FDFT1: variants seen among roughly 807,000 people sequenced by gnomAD.
FDFT1 encodes the protein farnesyl-diphosphate farnesyltransferase 1.
A neutral mutation model predicts 46.8 loss-of-function variants in FDFT1; 68 were observed. The observed-to-expected ratio is 1.45, with a 90% CI of 1.19 to 1.78. The LOEUF is 1.78. FDFT1 is among the 40% of genes most tolerant of loss of function. The probability of loss-of-function intolerance (pLI) is 0.00; values close to 1 mark genes in which losing one functional copy is unlikely to be tolerated. For missense variants in FDFT1, 928 were observed against 524.4 expected, an observed-to-expected ratio of 1.77 and a Z score of -7.52; for synonymous variants, 351 against 185.1, an observed-to-expected ratio of 1.90 and a Z score of -7.28.
At chr8:11,816,778 A>T (rs1808516010) in intron 3 of FDFT1, among the ~76,000 whole-genome samples, 1 of 152,184 alleles carries the variant, frequency 6.6e-6, no homozygotes. Flanking sequence ...GGCTGAGACG[A>T]TGGGGTTTTC....
chr8:11,826,069 CTT>C lies in FDFT1; in HGVS notation c.559_560del (p.Phe187LeufsTer6). The C allele has an allele frequency of 6.2e-7, 1 of 1,605,378 alleles. No homozygotes were observed. Among genetic ancestry groups the C allele is most frequent in the Non-Finnish European group, 8.5e-7 (1 of 1,173,252 alleles). On this transcript the variant is annotated frameshift_variant, in exon 5 of 8. Coordinates refer to ENST00000220584, the MANE Select transcript of FDFT1 (RefSeq NM_004462.5). LOFTEE classifies it high-confidence loss of function. Reference sequence around the variant, plus strand: ...GCTGGTCGGAATTGGCCTTTCCCGTCTTTTCTCAGCCTCAGAGTTTGAAGACC... The same window carrying C: ...GCTGGTCGGAATTGGCCTTTCCCGTCTTCTCAGCCTCAGAGTTTGAAGACC... Reference protein sequence around the residue: ...AGLVGIGLSRLFSASEFEDPL... With the variant: ...AGLVGIGLSRXFSASEFEDPL...
chr8:11,820,984 C>G (rs770705284), intron 3 of FDFT1, among the ~76,000 whole-genome samples: 2 of 152,240 alleles, frequency 1.3e-5, no homozygotes, highest in Admixed American at 1.3e-4. Context: ...AGAGCTGTTC[C>G]TACTGGGACA....
chr8:11,822,395 G>C (rs1193781286), intron 4 of FDFT1, among the ~76,000 whole-genome samples: 2 of 152,172 alleles, frequency 1.3e-5, no homozygotes, highest in Middle Eastern at 3.2e-3. Context: ...CGTTAGTGTA[G>C]GTCCAAGGTC....
chr8:11,811,588 G>A (rs939959410), intron 3 of FDFT1, among the ~76,000 whole-genome samples: 8 of 152,192 alleles, frequency 5.3e-5, no homozygotes, highest in African/African-American at 1.9e-4. Flanking sequence ...GTCTTCCTGT[G>A]TTCATACAGT....
At chr8:11,807,708 G>A (rs1736057) in intron 1 of FDFT1, among the ~76,000 whole-genome samples, 76,144 of 152,178 alleles carry the variant, frequency 0.5, 20,823 homozygotes, top group East Asian at 0.67. Flanking sequence ...TTAGGGAAGA[G>A]TAAAGGTCAG....
chr8:11,826,088 T>A lies in FDFT1; in HGVS notation c.575T>A (p.Phe192Tyr), dbSNP rs1809942291. ...GLSRLFSASE[F>Y]EDPLVGEDTE... Reference sequence around the variant, plus strand: ...TCCCGTCTTTTCTCAGCCTCAGAGTTTGAAGACCCCTTAGTTGGTGAAGAT... The same window carrying A: ...TCCCGTCTTTTCTCAGCCTCAGAGTATGAAGACCCCTTAGTTGGTGAAGAT... The change falls in exon 5 of 8, where the codon TTT becomes TAT. Residue 192 changes from phenylalanine to tyrosine, a missense_variant. Phe to Tyr is a conservative substitution (Grantham distance 22). Coordinates refer to ENST00000220584, the MANE Select transcript of FDFT1 (RefSeq NM_004462.5). 1.2e-6 allele frequency: 2 copies of A among 1,610,068 alleles called. No individual in the cohort carries two copies. The highest frequency in any genetic ancestry group is 4.5e-5 in the East Asian group (2 of 44,790).
chr8:11,814,936 GT>G (rs1312366291), intron 3 of FDFT1, among the ~76,000 whole-genome samples: 1 of 151,956 alleles, frequency 6.6e-6, no homozygotes. Context: ...TGTTACATAG[GT>G]ATACATGTGC....
intron 7 of FDFT1, among the ~76,000 whole-genome samples, chr8:11,832,239 C>G (rs1286194520): frequency 6.9e-6 from 1 of 145,770 alleles, no homozygotes; most frequent in Non-Finnish European, 1.5e-5. Flanking sequence ...GGTCAAATCT[C>G]TAATATTTGA....
chr8:11,830,652 T>C (rs915871465), intron 6 of FDFT1, among the ~76,000 whole-genome samples: 2 of 152,224 alleles, frequency 1.3e-5, no homozygotes, highest in African/African-American at 4.8e-5. Flanking sequence ...ATTTACTATT[T>C]TCTACAGCTA....
intron 1 of FDFT1, among the ~76,000 whole-genome samples, chr8:11,805,548 GTAACT>G (rs1457263247): frequency 6.6e-6 from 1 of 152,142 alleles, no homozygotes; most frequent in Admixed American, 6.6e-5. Flanking sequence ...AACAACCTTG[GTAACT>G]TAACCTCTGA....
At chr8:11,807,436 T>C (rs1003144110) in intron 1 of FDFT1, among the ~76,000 whole-genome samples, 1 of 152,324 alleles carries the variant, frequency 6.6e-6, no homozygotes, top group East Asian at 1.9e-4. Flanking sequence ...GTGCAGGGAT[T>C]ATAGGCGTGC....
In FDFT1 at chr8:11,809,703, T is replaced by C; in HGVS notation, c.234T>C (p.Ala78=). 6.2e-7 allele frequency: 1 copy of C among 1,614,150 alleles called. No individual in the cohort carries two copies. Among genetic ancestry groups the C allele is most frequent in the Non-Finnish European group, 8.5e-7 (1 of 1,180,000 alleles). The change falls in exon 3 of 8, where the codon GCT becomes GCC. Residue 78 remains alanine (A), a synonymous_variant. Transcript: ENST00000220584. ...AVCIFYLVLR[A]LDTLEDDMTI... ...GCATATTTTATCTGGTTCTCCGAGC[T>C]CTGGACACACTGGAAGATGACATGA...
Position 11,838,898 on chromosome 8 carries a change from A to T in FDFT1, c.*289A>T, listed in dbSNP as rs73209010. ...TTTAGGTGAAGTCGCTGCATATGTG[A>T]CTGTCATGAGATCCTACTTAGTATG... On this transcript the variant is annotated 3_prime_UTR_variant, in exon 8 of 8. Transcript: ENST00000220584. The T allele has an allele frequency of 8.4e-3, 3,463 of 412,362 alleles. 22 individuals are homozygous for T. The highest frequency in any genetic ancestry group is 0.011 in the Non-Finnish European group (2,464 of 225,556). The allele number at this position is 412,362 out of a possible 1,614,324, so 25.5% of individuals were successfully genotyped here.
At chr8:11,823,808 A>T (rs1184431213) in intron 4 of FDFT1, among the ~76,000 whole-genome samples, 2 of 152,108 alleles carry the variant, frequency 1.3e-5, no homozygotes, top group African/African-American at 4.8e-5. Context: ...TAGTGGCATG[A>T]TCAAGGCTCA....
At chr8:11,832,714 C>T (rs952552669) in intron 7 of FDFT1, among the ~76,000 whole-genome samples, 40 of 152,104 alleles carry the variant, frequency 2.6e-4, no homozygotes, top group African/African-American at 5.5e-4. Flanking sequence ...TTGTCCTAAC[C>T]GGCAGGAATC....
chr8:11,831,187 A>G (rs1004772442), intron 6 of FDFT1, among the ~76,000 whole-genome samples: 2 of 152,250 alleles, frequency 1.3e-5, no homozygotes, highest in Non-Finnish European at 2.9e-5. Flanking sequence ...ATTTTGAAAT[A>G]CATATTTCCG....
intron 4 of FDFT1, among the ~76,000 whole-genome samples, chr8:11,825,769 A>G (rs1418235021): frequency 6.6e-6 from 1 of 152,152 alleles, no homozygotes; most frequent in African/African-American, 2.4e-5. Flanking sequence ...GTACATGTGT[A>G]TTGTAGAAAT....
intron 7 of FDFT1, among the ~76,000 whole-genome samples, chr8:11,836,035 C>T (rs1301788504): frequency 6.8e-6 from 1 of 147,506 alleles, no homozygotes; most frequent in African/African-American, 2.5e-5. Context: ...TGCCTGTAAT[C>T]CCACCTACTT....
chr8:11,812,122 C>G (rs1280760881), intron 3 of FDFT1, among the ~76,000 whole-genome samples: 1 of 152,184 alleles, frequency 6.6e-6, no homozygotes, highest in Admixed American at 6.5e-5. Flanking sequence ...CTTCAGAGTG[C>G]CCCATTCTAG....
Sources: gnomAD v4.1 joint callset for allele counts (sites outside exome capture counted in the v4.1 genomes callset) on GRCh38, gnomAD v4.1.1 for gene constraint, MANE v1.5 for transcripts, NCBI Gene and HGNC (gene_info 2026-07-23, HGNC 2026-07-21) for gene names.